Variants in CCSER2 observed in about 807,000 individuals in gnomAD.
The protein encoded by CCSER2 is serine-rich coiled-coil domain-containing protein 2.
CCSER2 carries 46 observed loss-of-function variants against 92.3 expected under a neutral mutation model. The observed-to-expected ratio is 0.50, with a 90% CI of 0.39 to 0.64. The LOEUF (loss-of-function observed/expected upper bound fraction) is 0.64. Ranked by LOEUF, CCSER2 falls within the 30% of genes least tolerant of loss-of-function variation. CCSER2 has a pLI of 0.00. For missense variants in CCSER2, 1,244 were observed against 1,238.9 expected, an observed-to-expected ratio of 1.00 and a Z score of -0.06; for synonymous variants, 433 against 431.4, an observed-to-expected ratio of 1.00 and a Z score of -0.04.
intron 1 of CCSER2, among the ~76,000 whole-genome samples, chr10:84,361,960 A>G (rs1845526169): frequency 2.6e-5 from 4 of 152,158 alleles, no homozygotes; most frequent in Admixed American, 1.3e-4. Flanking sequence ...TTTTCTATGA[A>G]ACTATAATTC....
chr10:84,488,988 C>T (rs1030513618), intron 9 of CCSER2, among the ~76,000 whole-genome samples: 2 of 152,288 alleles, frequency 1.3e-5, no homozygotes, highest in African/African-American at 2.4e-5. Context: ...GCCTTCATTT[C>T]GTTATGTACC....
At chr10:84,423,198 C>T (rs1195574248) in intron 4 of CCSER2, among the ~76,000 whole-genome samples, 3 of 152,166 alleles carry the variant, frequency 2.0e-5, no homozygotes, top group Non-Finnish European at 2.9e-5. Context: ...CAGTGTTATT[C>T]CACATTATCT....
At chr10:84,404,999 C>T (rs1429201619) in intron 3 of CCSER2, among the ~76,000 whole-genome samples, 2 of 152,178 alleles carry the variant, frequency 1.3e-5, no homozygotes, top group East Asian at 3.9e-4. Context: ...CAATACCAAT[C>T]AGAATCCCAG....
chr10:84,506,139 C>T (rs1374155860), intron 9 of CCSER2, among the ~76,000 whole-genome samples: 1 of 92,734 alleles, frequency 1.1e-5, no homozygotes, highest in African/African-American at 2.8e-5. Context: ...CACTTTGATA[C>T]TTAAAAAAAA....
intron 1 of CCSER2, among the ~76,000 whole-genome samples, chr10:84,340,358 A>G (rs1844108120): frequency 6.6e-6 from 1 of 152,170 alleles, no homozygotes; most frequent in Non-Finnish European, 1.5e-5. Flanking sequence ...TAGACACTCA[A>G]TAAATTTTTT....
At position 84,338,315 on chromosome 10, in the gene CCSER2, AC is replaced by A. The variant is rs1188678625; in HGVS notation, c.-40+9511del. ...TTAAAAAAAAAAAAAACAAAAAAAA[AC>A]CCCAAAAACAACAAACCAAAAAAAC... On this transcript the variant is annotated intron_variant, in intron 1 of 9. Coordinates refer to ENST00000372088, the MANE Select transcript of CCSER2 (RefSeq NM_001284240.2). 6.7e-4 allele frequency among the ~76,000 whole-genome samples: 89 copies of A among 132,808 alleles called. No homozygotes were observed. In the South Asian group the frequency reaches 0.011, roughly 16 times the overall value. The allele number at this position is 132,808 out of a possible 152,430, so 87.1% of individuals were successfully genotyped here.
chr10:84,359,645 T>C (rs1391307765), intron 1 of CCSER2, among the ~76,000 whole-genome samples: 1 of 152,114 alleles, frequency 6.6e-6, no homozygotes, highest in East Asian at 1.9e-4. Flanking sequence ...GAGTTAAATG[T>C]AGAGATCCAG....
rs1203200746 is a variant in CCSER2 at position 84,372,217 on chromosome 10, T to C, written c.1165T>C (p.Tyr389His). 8 of 1,612,134 alleles carry C rather than the reference T, an allele frequency of 5.0e-6. No individual in the cohort carries two copies. In the East Asian group the frequency reaches 1.8e-4, roughly 36 times the overall value. The part of the protein sequence containing the change: ...QTMKHDAKMR[Y>H]LSDDVDDISL... Reference sequence around the variant, plus strand: ...CATGAAACATGATGCTAAAATGAGATACCTGAGTGATGATGTGGATGACAT... The same window carrying C: ...CATGAAACATGATGCTAAAATGAGACACCTGAGTGATGATGTGGATGACAT... The change falls in exon 2 of 10, where the codon TAC becomes CAC. Residue 389 changes from tyrosine to histidine, a missense_variant. Physicochemically the swap from Tyr to His is moderately conservative, Grantham distance 83. Coordinates refer to ENST00000372088, the MANE Select transcript of CCSER2 (RefSeq NM_001284240.2).
intron 5 of CCSER2, among the ~76,000 whole-genome samples, chr10:84,429,937 T>C (rs1376962891): frequency 1.3e-5 from 2 of 152,010 alleles, no homozygotes; most frequent in Non-Finnish European, 2.9e-5. Flanking sequence ...CCAGGATTTG[T>C]TGTTGTGTTT....
rs538818800 is a variant in CCSER2 at position 84,505,773 on chromosome 10, C to T, written c.2326-7676C>T. The stretch of plus-strand genomic sequence containing the variant: ...CATGGTCCAATAGGCCTTCCACAAA[C>T]GTAGGCATGGGTTAGTTTCTTGGAA... On this transcript the variant is annotated intron_variant, in intron 9 of 9. Coordinates refer to ENST00000372088, the MANE Select transcript of CCSER2 (RefSeq NM_001284240.2). Among the ~76,000 whole-genome samples the T allele has an allele frequency of 4.2e-4, 64 of 152,092 alleles. No individual in the cohort carries two copies. The South Asian group carries it at 8.7e-3, about 21-fold the overall frequency.
intron 3 of CCSER2, among the ~76,000 whole-genome samples, chr10:84,397,028 C>T (rs190573241): frequency 6.6e-6 from 1 of 152,232 alleles, no homozygotes; most frequent in East Asian, 1.9e-4. Context: ...ACACATCTAC[C>T]ACCTTACTTG....
chr10:84,460,439 A>G (rs1846043942), intron 6 of CCSER2, among the ~76,000 whole-genome samples: 1 of 151,884 alleles, frequency 6.6e-6, no homozygotes, highest in Non-Finnish European at 1.5e-5. Flanking sequence ...ATTGATCTGT[A>G]GTCTTCTTAT....
chr10:84,404,520 C>G (rs1842279306), intron 3 of CCSER2, among the ~76,000 whole-genome samples: 1 of 152,182 alleles, frequency 6.6e-6, no homozygotes, highest in Non-Finnish European at 1.5e-5. Flanking sequence ...TTGTTTCACA[C>G]TAAATGAAAT....
intron 5 of CCSER2, among the ~76,000 whole-genome samples, chr10:84,433,165 C>G (rs185924816): frequency 1.9e-4 from 29 of 152,212 alleles, no homozygotes; most frequent in African/African-American, 7.0e-4. Flanking sequence ...CGACTTTCTT[C>G]TTCTTCAATA....
chr10:84,438,082 G>T (rs958133760), intron 5 of CCSER2, among the ~76,000 whole-genome samples: 1 of 152,140 alleles, frequency 6.6e-6, no homozygotes, highest in Non-Finnish European at 1.5e-5. Flanking sequence ...GGAGTCCAAG[G>T]ATGTATACAA....
At chr10:84,341,786 T>C (rs1844201446) in intron 1 of CCSER2, among the ~76,000 whole-genome samples, 1 of 152,160 alleles carries the variant, frequency 6.6e-6, no homozygotes, top group South Asian at 2.1e-4. Context: ...GAGCAGCTCA[T>C]AGAACTTAGG....
chr10:84,443,189 C>T (rs1020703523), intron 6 of CCSER2, among the ~76,000 whole-genome samples: 1 of 152,126 alleles, frequency 6.6e-6, no homozygotes, highest in Non-Finnish European at 1.5e-5. Flanking sequence ...GCAAAAGAAA[C>T]TACCATCAGA....
At chr10:84,377,032 A>C (rs1302212255) in intron 3 of CCSER2, among the ~76,000 whole-genome samples, 2 of 152,138 alleles carry the variant, frequency 1.3e-5, no homozygotes, top group South Asian at 2.1e-4. Context: ...ATTTGTAAAA[A>C]TTCTTCATAT....
rs1337294241 is a variant in CCSER2 at position 84,394,382 on chromosome 10, AGTATGTGTGT to A, written c.1614+20570_1614+20579del. ...TATGCTCTTGAAATAACAAAAGGAA[AGTATGTGTGT>A]GTGTGTGTGTGTGTGTGTGTGTGTG... On this transcript the variant is annotated intron_variant, in intron 3 of 9. Coordinates refer to ENST00000372088, the MANE Select transcript of CCSER2 (RefSeq NM_001284240.2). 3.4e-3 allele frequency among the ~76,000 whole-genome samples: 310 copies of A among 91,248 alleles called. 1 individual carries two copies. Among genetic ancestry groups the A allele is most frequent in the African/African-American group, 6.1e-3 (216 of 35,362 alleles). The allele number at this position is 91,248 out of a possible 152,430, so 59.9% of individuals were successfully genotyped here. A position where few individuals can be genotyped will look rare whatever the true frequency, so the allele number is the denominator to read the frequency against.
Sources: gnomAD v4.1 joint callset for allele counts (sites outside exome capture counted in the v4.1 genomes callset) on GRCh38, gnomAD v4.1.1 for gene constraint, MANE v1.5 for transcripts, NCBI Gene and HGNC (gene_info 2026-07-23, HGNC 2026-07-21) for gene names.